Variants in CHN2 observed in about 807,000 individuals in gnomAD.
CHN2 encodes the protein chimerin 2.
Under a neutral mutation model 56.3 loss-of-function variants are expected in CHN2, and 35 were observed. The observed-to-expected ratio is 0.62, with a 90% CI of 0.47 to 0.82. The LOEUF (loss-of-function observed/expected upper bound fraction) is 0.82, where lower values mean the gene tolerates loss of function less well. Ranked by LOEUF, CHN2 falls within the 40% of genes least tolerant of loss-of-function variation. The probability of loss-of-function intolerance (pLI) is 0.00; values close to 1 mark genes in which losing one functional copy is unlikely to be tolerated. For synonymous variants in CHN2, 210 were observed against 212.8 expected (o/e 0.99, Z 0.12); for missense variants, 491 against 580.5 (o/e 0.85, Z 1.58).
chr7:29,352,698 G>C (rs1284436561), intron 1 of CHN2, among the ~76,000 whole-genome samples: 1 of 152,110 alleles, frequency 6.6e-6, no homozygotes, highest in Non-Finnish European at 1.5e-5. Context: ...ACTTCAGCCT[G>C]GGTGATAGAG....
chr7:29,418,005 C>T (rs2128103409), intron 6 of CHN2, among the ~76,000 whole-genome samples: 1 of 152,244 alleles, frequency 6.6e-6, no homozygotes, highest in East Asian at 1.9e-4. Context: ...AATAGCACAC[C>T]CACTTGGCAG....
intron 6 of CHN2, chr7:29,479,656 ATTGG>A: frequency 9.7e-7 from 1 of 1,027,992 alleles, no homozygotes; most frequent in Non-Finnish European, 1.2e-6. Context: ...CCCCAGATTA[ATTGG>A]ATGCAGCCTC....
intron 1 of CHN2, 118 bp from the exon 2 acceptor site, chr7:29,354,507 T>TC (rs1182805854): frequency 1.2e-6 from 1 of 825,232 alleles, no homozygotes; most frequent in Non-Finnish European, 2.0e-6. Flanking sequence ...GAGAAGAGAG[T>TC]CCCCCTGAGA....
At chr7:29,306,120 G>A (rs1794139646) in intron 1 of CHN2, among the ~76,000 whole-genome samples, 1 of 151,926 alleles carries the variant, frequency 6.6e-6, no homozygotes, top group African/African-American at 2.4e-5. Context: ...CATAAGTTAG[G>A]GCCTATTTAG....
intron 6 of CHN2, among the ~76,000 whole-genome samples, chr7:29,412,705 A>G (rs1320426146): frequency 1.3e-5 from 2 of 152,166 alleles, no homozygotes; most frequent in Non-Finnish European, 2.9e-5. Context: ...TTTTAACAGA[A>G]TGGGATGAAA....
intron 1 of CHN2, among the ~76,000 whole-genome samples, chr7:29,233,988 C>T (rs558908801): frequency 6.7e-6 from 1 of 149,996 alleles, no homozygotes; most frequent in East Asian, 2.0e-4. Flanking sequence ...CGCCCGCCAC[C>T]ACGCCCGGCT....
rs1175429614 is a variant in CHN2, at chr7:29,233,825, A to ATTTTTTTT, written c.49+38854_49+38861dup. 2.1e-4 allele frequency among the ~76,000 whole-genome samples: 11 copies of ATTTTTTTT among 53,202 alleles called. 2 individuals are homozygous for ATTTTTTTT. The highest frequency in any genetic ancestry group is 6.7e-4 in the Admixed American group (2 of 2,988). The allele number at this position is 53,202 out of a possible 152,430, so 34.9% of individuals were successfully genotyped here. A position where few individuals can be genotyped will look rare whatever the true frequency, so the allele number is the denominator to read the frequency against. ...AGAATGCAGCCCTGCCAACACCTTG[A>ATTTTTTTT]TTTTTTTTTTTTTTTTTTTTTTTTT... is the stretch of plus-strand genomic sequence containing the variant. On this transcript the variant is annotated intron_variant, in intron 1 of 12. Coordinates refer to ENST00000222792, the MANE Select transcript of CHN2 (RefSeq NM_004067.4).
At chr7:29,368,483 G>A (rs1799354416) in intron 3 of CHN2, among the ~76,000 whole-genome samples, 1 of 152,104 alleles carries the variant, frequency 6.6e-6, no homozygotes, top group Non-Finnish European at 1.5e-5. Context: ...TCACTAATCA[G>A]TTCTCTGATT....
At chr7:29,256,503 A>G (rs1219518911) in intron 1 of CHN2, among the ~76,000 whole-genome samples, 5 of 152,194 alleles carry the variant, frequency 3.3e-5, no homozygotes, top group African/African-American at 1.2e-4. Flanking sequence ...TTTTGGGTGT[A>G]TGCAGTGCAG....
chr7:29,187,341 G>A (rs940523868), intron 2 of CHN2, among the ~76,000 whole-genome samples: 1 of 150,064 alleles, frequency 6.7e-6, no homozygotes, highest in Non-Finnish European at 1.5e-5. Flanking sequence ...GTGTGTTTGT[G>A]TGTCTGTGTG....
chr7:29,163,203 G>A (rs891971567), intron 2 of CHN2, among the ~76,000 whole-genome samples: 1 of 152,050 alleles, frequency 6.6e-6, no homozygotes. Flanking sequence ...ATATGAATCT[G>A]TTTCTCCATT....
chr7:29,493,131 G>A (rs778648536), intron 7 of CHN2, among the ~76,000 whole-genome samples: 2 of 151,928 alleles, frequency 1.3e-5, no homozygotes, highest in South Asian at 2.1e-4. Flanking sequence ...TATTTTTACT[G>A]TACCTTTTCT....
intron 1 of CHN2, among the ~76,000 whole-genome samples, chr7:29,217,288 C>T (rs1785418255): frequency 6.6e-6 from 1 of 152,212 alleles, no homozygotes; most frequent in Non-Finnish European, 1.5e-5. Flanking sequence ...ATTGCTTCAA[C>T]ACAGTAATTA....
chr7:29,321,042 A>C (rs1283260531), intron 1 of CHN2, among the ~76,000 whole-genome samples: 1 of 152,220 alleles, frequency 6.6e-6, no homozygotes, highest in East Asian at 1.9e-4. Context: ...ATCGCTTTAA[A>C]ACCTCACTAT....
intron 1 of CHN2, among the ~76,000 whole-genome samples, chr7:29,299,711 CTTG>C (rs1208092513): frequency 2.0e-5 from 3 of 152,142 alleles, no homozygotes; most frequent in Non-Finnish European, 2.9e-5. Context: ...ACTAATATTG[CTTG>C]TTGTCCCATA....
At position 29,427,409 on chromosome 7, in the gene CHN2, G is replaced by C. The variant is rs6980280; in HGVS notation, c.576+26581G>C. ...TTACATCTGCAGAATCCCTTTTACC[G>C]TATAACATAATCATGTAACATGATG... On this transcript the variant is annotated intron_variant, in intron 6 of 12. Transcript: ENST00000222792. 2.6e-5 allele frequency among the ~76,000 whole-genome samples: 4 copies of C among 152,006 alleles called. No homozygotes were observed. In the East Asian group the frequency reaches 5.8e-4, roughly 22 times the overall value.
At chr7:29,207,451 C>T (rs1046360468) in intron 1 of CHN2, among the ~76,000 whole-genome samples, 3 of 152,160 alleles carry the variant, frequency 2.0e-5, no homozygotes, top group Non-Finnish European at 2.9e-5. Flanking sequence ...TCCCCAGTAT[C>T]CCCAAAAGGC....
intron 1 of CHN2, among the ~76,000 whole-genome samples, chr7:29,319,240 C>A (rs576779467): frequency 2.2e-4 from 33 of 152,220 alleles, no homozygotes; most frequent in African/African-American, 7.9e-4. Flanking sequence ...ATGGAATCAT[C>A]ACAAAAAGAA....
At chr7:29,248,166 T>C (rs1398729277) in intron 1 of CHN2, among the ~76,000 whole-genome samples, 2 of 152,172 alleles carry the variant, frequency 1.3e-5, no homozygotes, top group African/African-American at 4.8e-5. Flanking sequence ...GCCAGGCAGT[T>C]GAAAGTGTGG....
Sources: allele counts gnomAD v4.1 joint callset (sites outside exome capture counted in the v4.1 genomes callset), GRCh38; gene constraint gnomAD v4.1.1; transcripts MANE v1.5; gene names NCBI Gene and HGNC (gene_info 2026-07-23, HGNC 2026-07-21).